Variants in PTPRA observed in about 807,000 individuals in gnomAD.
The protein encoded by PTPRA is protein tyrosine phosphatase receptor type A.
PTPRA carries 25 observed loss-of-function variants against 104.8 expected under a neutral mutation model. The ratio of observed to expected loss-of-function variants is 0.24; its 90% CI spans 0.17 to 0.33. PTPRA has a LOEUF of 0.33. PTPRA is among the 10% of genes least tolerant of loss of function. The pLI is 1.00. For missense variants in PTPRA, 765 were observed against 1,015.3 expected (o/e 0.75, Z 3.35); for synonymous variants, 323 against 368.9 (o/e 0.88, Z 1.43).
chr20:2,940,353 G>T (rs1168232392), intron 2 of PTPRA, among the ~76,000 whole-genome samples: 1 of 148,298 alleles, frequency 6.7e-6, no homozygotes, highest in Non-Finnish European at 1.5e-5. Context: ...ACCGGGTCTC[G>T]CTGTATCGCC....
intron 1 of PTPRA, among the ~76,000 whole-genome samples, chr20:2,877,544 CCA>C (rs936589323): frequency 6.6e-5 from 10 of 152,286 alleles, no homozygotes; most frequent in Middle Eastern, 3.4e-3. Flanking sequence ...CAAGCATGAG[CCA>C]CCGTGCCCGG....
At chr20:3,025,013 G>C (rs973465060) in intron 17 of PTPRA, among the ~76,000 whole-genome samples, 24 of 152,174 alleles carry the variant, frequency 1.6e-4, no homozygotes, top group African/African-American at 5.5e-4. Flanking sequence ...AATATAATGA[G>C]TGTGGCTGTT....
intron 1 of PTPRA, among the ~76,000 whole-genome samples, chr20:2,909,718 G>A (rs1016179564): frequency 6.4e-5 from 9 of 141,392 alleles, no homozygotes; most frequent in East Asian, 4.0e-4. Context: ...TAATTTTTCC[G>A]TTTCACTTAT....
chr20:3,015,905 T>C lies in PTPRA; in HGVS notation c.943+20T>C, dbSNP rs199658233. 1 of 1,547,714 alleles carries C rather than the reference T, an allele frequency of 6.5e-7. No homozygotes were observed. The highest frequency in any genetic ancestry group is 2.2e-5 in the East Asian group (1 of 44,476). On this transcript the variant is annotated intron_variant, in intron 12 of 23. Coordinates refer to ENST00000399903, the MANE Select transcript of PTPRA (RefSeq NM_001385305.1). Reference sequence around the variant, plus strand: ...CACAAGGTAAAGTAATGACAACTTTTTTCTGTTAGATTTAACCATGATCAC... The same window carrying C: ...CACAAGGTAAAGTAATGACAACTTTCTTCTGTTAGATTTAACCATGATCAC...
intron 2 of PTPRA, among the ~76,000 whole-genome samples, chr20:2,943,545 C>T (rs1028122166): frequency 2.6e-5 from 4 of 152,058 alleles, no homozygotes; most frequent in African/African-American, 9.7e-5. Context: ...CCAAAAAAAC[C>T]CCTCACAGAA....
chr20:2,944,039 C>CTT (rs398061270), intron 2 of PTPRA, among the ~76,000 whole-genome samples: 11 of 127,570 alleles, frequency 8.6e-5, no homozygotes, highest in East Asian at 2.3e-4. Flanking sequence ...CTCTACTGGT[C>CTT]TTTTTTTTTT....
chr20:2,882,791 A>G (rs187978672), intron 1 of PTPRA, among the ~76,000 whole-genome samples: 1 of 152,272 alleles, frequency 6.6e-6, no homozygotes, highest in East Asian at 1.9e-4. Context: ...AAAAGAATGA[A>G]ATTCATTCAT....
chr20:2,902,072 A>G (rs889930859), intron 1 of PTPRA, among the ~76,000 whole-genome samples: 3 of 151,914 alleles, frequency 2.0e-5, no homozygotes, highest in Non-Finnish European at 4.4e-5. Flanking sequence ...TTTAGTAGAG[A>G]TGGGGTTTCA....
chr20:2,981,322 G>A (rs537031488), intron 6 of PTPRA, among the ~76,000 whole-genome samples: 8 of 152,096 alleles, frequency 5.3e-5, no homozygotes, highest in Non-Finnish European at 8.8e-5. Flanking sequence ...GCTAGGTCTC[G>A]GATTTGCCTT....
chr20:2,908,877 A>G (rs1371933284), intron 1 of PTPRA, among the ~76,000 whole-genome samples: 1 of 152,230 alleles, frequency 6.6e-6, no homozygotes, highest in Non-Finnish European at 1.5e-5. Context: ...TTAGTTACTG[A>G]TAACAGTTAT....
At chr20:3,032,770 A>AC (rs1316237679) in intron 20 of PTPRA, among the ~76,000 whole-genome samples, 1 of 151,780 alleles carries the variant, frequency 6.6e-6, no homozygotes, top group Admixed American at 6.6e-5. Flanking sequence ...ATCTCAAAAA[A>AC]AAAAAAAAAA....
chr20:3,029,142 T>TGTTG (rs2065295140), intron 20 of PTPRA, among the ~76,000 whole-genome samples: 1 of 149,060 alleles, frequency 6.7e-6, no homozygotes, highest in African/African-American at 2.5e-5. Context: ...TGGTTTTGTT[T>TGTTG]GTTTGTTTGT....
At chr20:2,984,774 C>T (rs939333657) in intron 6 of PTPRA, among the ~76,000 whole-genome samples, 9 of 152,194 alleles carry the variant, frequency 5.9e-5, no homozygotes, top group Non-Finnish European at 1.2e-4. Flanking sequence ...ACCTGCCAAG[C>T]TCCTGAGAGC....
chr20:2,890,292 A>G (rs990364645), intron 1 of PTPRA, among the ~76,000 whole-genome samples: 2 of 151,468 alleles, frequency 1.3e-5, no homozygotes, highest in Non-Finnish European at 2.9e-5. Flanking sequence ...CCCTACAGTT[A>G]TTTTAATTTT....
At chr20:3,026,354 GT>G (rs1315687989) in intron 17 of PTPRA, among the ~76,000 whole-genome samples, 1 of 152,168 alleles carries the variant, frequency 6.6e-6, no homozygotes, top group Non-Finnish European at 1.5e-5. Context: ...TTCTGAATAA[GT>G]TTTTTTGAAG....
chr20:3,024,602 G>C lies in PTPRA; in HGVS notation c.1595G>C (p.Gly532Ala). The change falls in exon 17 of 24, where the codon GGA (glycine) becomes GCA (alanine). Residue 532 changes from glycine (G) to alanine (A), a missense_variant. Coordinates refer to ENST00000399903, the MANE Select transcript of PTPRA (RefSeq NM_001385305.1). Reference sequence around the variant, plus strand: ...AAAATCCCAGGGACCAGCAACAATGGATTAGAGGAGGAGTTTAAGGTGAGT... The same window carrying C: ...AAAATCCCAGGGACCAGCAACAATGCATTAGAGGAGGAGTTTAAGGTGAGT... ...YNKIPGTSNNGLEEEFKKLTS... is the reference protein window; with the variant it reads ...YNKIPGTSNNALEEEFKKLTS... 4 of 1,614,144 alleles carry C rather than the reference G, an allele frequency of 2.5e-6. No homozygotes were observed. Among genetic ancestry groups the C allele is most frequent in the Non-Finnish European group, 3.4e-6 (4 of 1,180,040 alleles).
chr20:2,907,300 C>G (rs2059461512), intron 1 of PTPRA, among the ~76,000 whole-genome samples: 2 of 150,592 alleles, frequency 1.3e-5, no homozygotes, highest in Admixed American at 6.7e-5. Flanking sequence ...ATCTCAGTTC[C>G]AAGCTGAAAA....
At chr20:2,904,358 C>T (rs967793155) in intron 1 of PTPRA, among the ~76,000 whole-genome samples, 4 of 151,974 alleles carry the variant, frequency 2.6e-5, no homozygotes, top group African/African-American at 9.7e-5. Flanking sequence ...TGAAGCTTTA[C>T]TGAAGGATTT....
chr20:3,018,826 C>G (rs1483427183), intron 13 of PTPRA, among the ~76,000 whole-genome samples: 2 of 121,804 alleles, frequency 1.6e-5, no homozygotes, highest in Non-Finnish European at 3.4e-5. Context: ...CCTCACCTCC[C>G]GGACAGGGCG....
Sources: gnomAD v4.1 joint callset for allele counts (sites outside exome capture counted in the v4.1 genomes callset) on GRCh38, gnomAD v4.1.1 for gene constraint, MANE v1.5 for transcripts, NCBI Gene and HGNC (gene_info 2026-07-23, HGNC 2026-07-21) for gene names.